KSR2: variants seen among roughly 807,000 people sequenced by gnomAD.
KSR2 encodes kinase suppressor of ras 2.
In KSR2, 25 loss-of-function variants were observed where a neutral mutation model predicts 107.8. The observed-to-expected ratio is 0.23, with a 90% CI of 0.17 to 0.32. The LOEUF is 0.32. Ranked by LOEUF, KSR2 falls within the 10% of genes least tolerant of loss-of-function variation. KSR2 has a pLI of 1.00. For missense variants in KSR2, 887 were observed against 1,268.9 expected (o/e 0.70, Z 4.57); for synonymous variants, 480 against 507.0 (o/e 0.95, Z 0.71).
At chr12:117,639,319 TATC>T (rs545556926) in intron 5 of KSR2, among the ~76,000 whole-genome samples, 11 of 145,414 alleles carry the variant, frequency 7.6e-5, no homozygotes, top group Non-Finnish European at 1.2e-4. Context: ...TTATTATTAT[TATC>T]ATCATTATTA....
intron 1 of KSR2, among the ~76,000 whole-genome samples, chr12:117,930,530 C>T (rs2137495617): frequency 6.6e-6 from 1 of 152,250 alleles, no homozygotes; most frequent in Non-Finnish European, 1.5e-5. Flanking sequence ...TGCCCATGGG[C>T]CACACTTTGG....
chr12:117,809,299 T>C (rs1891112407), intron 3 of KSR2, among the ~76,000 whole-genome samples: 1 of 152,150 alleles, frequency 6.6e-6, no homozygotes, highest in South Asian at 2.1e-4. Flanking sequence ...AACTTTTGGG[T>C]CTGGCTAATT....
chr12:117,455,508 G>A lies in KSR2; in HGVS notation c.*11691C>T, dbSNP rs1342108649. 6.6e-6 allele frequency: 1 copy of A among 152,122 alleles called. No individual in the cohort carries two copies. The highest frequency in any genetic ancestry group is 6.5e-5 in the Admixed American group (1 of 15,270). The allele number at this position is 152,122 out of a possible 1,614,324, so 9.4% of individuals were successfully genotyped here. ...TCCTGGAGGGTCTTTCTCTGGGTTG[G>A]GAGCTCCTGTGGGGCCTCGGGACCC... On this transcript the variant is annotated 3_prime_UTR_variant, in exon 20 of 20. Transcript: ENST00000339824.
rs1386816058 is a variant in KSR2 at position 117,968,772 on chromosome 12, C to T, written c.-517G>A. The T allele has an allele frequency of 6.4e-6, 1 of 156,048 alleles. No homozygotes were observed. Among genetic ancestry groups the T allele is most frequent in the East Asian group, 1.9e-4 (1 of 5,232 alleles). The allele number at this position is 156,048 out of a possible 1,614,324, so 9.7% of individuals were successfully genotyped here. On this transcript the variant is annotated 5_prime_UTR_variant, in exon 1 of 20. An upstream open reading frame in the 5' UTR gains an earlier in-frame stop. Coordinates refer to ENST00000339824, the MANE Select transcript of KSR2 (RefSeq NM_173598.6). ...AAAAAAATCTGGTTTTCCCCCCTCC[C>T]AGTTGCAGGGACACGGCATGGTCCA...
intron 6 of KSR2, among the ~76,000 whole-genome samples, chr12:117,579,862 T>C (rs1019282879): frequency 2.0e-5 from 3 of 152,302 alleles, no homozygotes; most frequent in Non-Finnish European, 2.9e-5. Flanking sequence ...GGAGGTCTCC[T>C]GTGTACAGCG....
intron 5 of KSR2, among the ~76,000 whole-genome samples, chr12:117,586,980 A>C (rs1182375576): frequency 6.6e-6 from 1 of 152,202 alleles, no homozygotes; most frequent in East Asian, 1.9e-4. Context: ...AGAGCTGATA[A>C]GTGACTGAGT....
chr12:117,630,619 G>A (rs145449470), intron 5 of KSR2, among the ~76,000 whole-genome samples: 16 of 152,290 alleles, frequency 1.1e-4, no homozygotes, highest in African/African-American at 3.8e-4. Flanking sequence ...GAAGGCAAAG[G>A]GAAACGAGGA....
At chr12:117,564,641 G>C (rs1251819577) in intron 7 of KSR2, among the ~76,000 whole-genome samples, 1 of 152,214 alleles carries the variant, frequency 6.6e-6, no homozygotes, top group Non-Finnish European at 1.5e-5. Context: ...CATCATCTCT[G>C]TCTGAATATT....
chr12:117,664,009 G>A (rs1884545908), intron 5 of KSR2, among the ~76,000 whole-genome samples: 1 of 152,218 alleles, frequency 6.6e-6, no homozygotes, highest in South Asian at 2.1e-4. Flanking sequence ...GTTCATTTGA[G>A]TCAATATCTC....
chr12:117,863,989 C>A (rs1268153174), intron 1 of KSR2, among the ~76,000 whole-genome samples: 1 of 152,138 alleles, frequency 6.6e-6, no homozygotes, highest in Admixed American at 6.5e-5. Context: ...CCTTATCTTA[C>A]ATCTGCAAAG....
intron 9 of KSR2, among the ~76,000 whole-genome samples, chr12:117,551,176 G>A (rs1031842313): frequency 3.3e-5 from 5 of 152,108 alleles, no homozygotes; most frequent in African/African-American, 1.2e-4. Flanking sequence ...AGATGCTACT[G>A]TTGCTGCTTC....
At chr12:117,477,534 A>G (rs1034498105) in intron 16 of KSR2, among the ~76,000 whole-genome samples, 21 of 152,216 alleles carry the variant, frequency 1.4e-4, no homozygotes, top group African/African-American at 5.1e-4. Flanking sequence ...AGATTGTGAT[A>G]AGCATCGTAC....
intron 14 of KSR2, among the ~76,000 whole-genome samples, chr12:117,487,333 T>C (rs1313553218): frequency 6.6e-6 from 1 of 152,192 alleles, no homozygotes; most frequent in Non-Finnish European, 1.5e-5. Context: ...TTGACTAACA[T>C]TTTTTTCTTC....
chr12:117,680,520 C>T (rs1204187403), intron 4 of KSR2, among the ~76,000 whole-genome samples: 1 of 152,188 alleles, frequency 6.6e-6, no homozygotes, highest in Non-Finnish European at 1.5e-5. Context: ...CATTGTTCTG[C>T]AATTAGATCA....
chr12:117,705,397 G>A (rs530608445), intron 4 of KSR2, among the ~76,000 whole-genome samples: 1 of 152,318 alleles, frequency 6.6e-6, no homozygotes, highest in African/African-American at 2.4e-5. Context: ...TTAGGAGCCT[G>A]GAATCAGAGA....
At chr12:117,788,559 T>C (rs763410251) in intron 3 of KSR2, among the ~76,000 whole-genome samples, 30 of 152,320 alleles carry the variant, frequency 2.0e-4, no homozygotes, top group Middle Eastern at 3.4e-3. Flanking sequence ...GGGAGTGCAG[T>C]GGCATGATCT....
At chr12:117,880,335 T>C (rs1893986869) in intron 1 of KSR2, among the ~76,000 whole-genome samples, 1 of 152,150 alleles carries the variant, frequency 6.6e-6, no homozygotes, top group South Asian at 2.1e-4. Context: ...GCTCAATAGC[T>C]GCTTGTAGCC....
chr12:117,612,646 C>A (rs1483589247), intron 5 of KSR2, among the ~76,000 whole-genome samples: 1 of 150,062 alleles, frequency 6.7e-6, no homozygotes, highest in Admixed American at 6.8e-5. Context: ...CACAAATAAG[C>A]AATTTGCAGA....
At chr12:117,561,267 G>A (rs920909984) in intron 7 of KSR2, among the ~76,000 whole-genome samples, 2 of 152,180 alleles carry the variant, frequency 1.3e-5, no homozygotes, top group African/African-American at 4.8e-5. Context: ...CATAGCTCTT[G>A]GCACCAGAAA....
Sources: gnomAD v4.1 joint callset for allele counts (sites outside exome capture counted in the v4.1 genomes callset) on GRCh38, gnomAD v4.1.1 for gene constraint, MANE v1.5 for transcripts, NCBI Gene and HGNC (gene_info 2026-07-23, HGNC 2026-07-21) for gene names.